Variants in KAT6B observed in about 807,000 individuals in gnomAD.
KAT6B encodes the protein histone acetyltransferase KAT6B.
KAT6B carries 10 observed loss-of-function variants against 187.5 expected under a neutral mutation model. The observed-to-expected ratio is 0.05, with a 90% CI of 0.03 to 0.09. KAT6B has a LOEUF of 0.09. Among genes scored for constraint, KAT6B ranks in the 10% least tolerant of loss-of-function variants. The pLI is 1.00. For missense variants in KAT6B, 1,952 were observed against 2,558.9 expected, an observed-to-expected ratio of 0.76 and a Z score of 5.12; for synonymous variants, 861 against 926.8, an observed-to-expected ratio of 0.93 and a Z score of 1.29.
rs1262964177 is a variant in KAT6B, at chr10:75,029,088, G to A, written c.4264G>A (p.Glu1422Lys). The change falls in exon 18 of 18, where the codon GAG (glutamate) becomes AAG (lysine). Residue 1422 changes from glutamate (E) to lysine (K), a missense_variant. Glu to Lys is a moderately conservative substitution (Grantham distance 56, BLOSUM62 1). Around this residue, in one of 9 missense-constraint regions of KAT6B, gnomAD observed 758 missense variants for 891.4 expected, o/e 0.85. Transcript: ENST00000287239. This position sits in a 1 kb window ranked among gnomAD's most constrained non-coding sequence, Gnocchi z 6.2. ...EEEDEEPSHN[E>K]DHDADDEDDS... is the part of the protein sequence containing the mutation. The stretch of plus-strand genomic sequence containing the variant: ...AGAGGATGAAGAGCCATCCCACAAC[G>A]AGGACCATGATGCCGATGACGAGGA... 2.5e-6 allele frequency: 4 copies of A among 1,614,056 alleles called. No homozygotes were observed. The highest frequency in any genetic ancestry group is 2.5e-6 in the Non-Finnish European group (3 of 1,180,036).
intron 13 of KAT6B, among the ~76,000 whole-genome samples, chr10:75,003,942 A>G (rs918917592): frequency 6.6e-6 from 1 of 152,246 alleles, no homozygotes; most frequent in African/African-American, 2.4e-5. Flanking sequence ...GCCTCAATGA[A>G]AACATTGTAA....
chr10:74,958,474 A>G (rs560029207), intron 3 of KAT6B, among the ~76,000 whole-genome samples: 10 of 152,334 alleles, frequency 6.6e-5, no homozygotes, highest in African/African-American at 2.2e-4. Context: ...TCATAGTAAC[A>G]TTCAGATGGC....
chr10:74,828,525 G>GAAAT (rs1840450613), intron 1 of KAT6B, among the ~76,000 whole-genome samples: 1 of 144,276 alleles, frequency 6.9e-6, no homozygotes, highest in Non-Finnish European at 1.5e-5. Flanking sequence ...GCATAGCCTT[G>GAAAT]AAATAAAACA....
chr10:74,908,882 C>G (rs959885795), intron 3 of KAT6B, among the ~76,000 whole-genome samples: 1 of 152,110 alleles, frequency 6.6e-6, no homozygotes, highest in Non-Finnish European at 1.5e-5. Flanking sequence ...ACTGCAAGCC[C>G]ACATGCTGCC....
chr10:74,845,436 C>T (rs1019122339), intron 3 of KAT6B, among the ~76,000 whole-genome samples: 2 of 150,186 alleles, frequency 1.3e-5, no homozygotes, highest in Non-Finnish European at 3.0e-5. Flanking sequence ...GCAGGAGAAT[C>T]CCTTAAACCC....
chr10:74,968,741 G>T (rs4372382), intron 4 of KAT6B, among the ~76,000 whole-genome samples: 5,730 of 152,160 alleles, frequency 0.038, 164 homozygotes, highest in Admixed American at 0.05. Context: ...AGATCTCTTC[G>T]GGTTTATGTG....
chr10:74,873,836 C>T (rs1029273082), intron 3 of KAT6B, among the ~76,000 whole-genome samples: 1 of 152,000 alleles, frequency 6.6e-6, no homozygotes, highest in Non-Finnish European at 1.5e-5. Flanking sequence ...GTAGTTAATA[C>T]AGGTATTTAT....
intron 1 of KAT6B, among the ~76,000 whole-genome samples, chr10:74,829,642 G>A (rs1228991149): frequency 1.3e-5 from 2 of 151,380 alleles, no homozygotes; most frequent in African/African-American, 2.4e-5. Flanking sequence ...GTGGGGTTTC[G>A]CCATGTTGGC....
chr10:74,903,810 A>AT (rs1197112942), intron 3 of KAT6B, among the ~76,000 whole-genome samples: 2 of 152,192 alleles, frequency 1.3e-5, no homozygotes, highest in African/African-American at 4.8e-5. Flanking sequence ...GCTTTGTCAG[A>AT]TTTTAACTTG....
intron 3 of KAT6B, among the ~76,000 whole-genome samples, chr10:74,940,463 A>G (rs1234352122): frequency 6.6e-6 from 1 of 151,244 alleles, no homozygotes; most frequent in African/African-American, 2.4e-5. Flanking sequence ...TTTAGTAGAG[A>G]TGGGGTTTCA....
At chr10:74,840,901 T>A (rs554578896) in intron 2 of KAT6B, among the ~76,000 whole-genome samples, 6 of 152,234 alleles carry the variant, frequency 3.9e-5, no homozygotes, top group African/African-American at 1.4e-4. Flanking sequence ...TATTCTTCAG[T>A]ATGTCTGGCT....
chr10:74,930,593 G>T (rs1479435460), intron 3 of KAT6B, among the ~76,000 whole-genome samples: 2 of 152,182 alleles, frequency 1.3e-5, no homozygotes, highest in African/African-American at 4.8e-5. Context: ...TGATGTGACA[G>T]GAATTGATTG....
chr10:74,859,548 G>A (rs1052886354), intron 3 of KAT6B, among the ~76,000 whole-genome samples: 21 of 152,240 alleles, frequency 1.4e-4, no homozygotes, highest in African/African-American at 5.1e-4. Context: ...TTGAGGTAAC[G>A]AGCCTCTAGA....
At chr10:74,887,285 A>G (rs941567916) in intron 3 of KAT6B, among the ~76,000 whole-genome samples, 2 of 152,094 alleles carry the variant, frequency 1.3e-5, no homozygotes, top group Non-Finnish European at 2.9e-5. Context: ...GGACTGAGCC[A>G]TGGATAGTGG....
At chr10:74,841,304 G>A (rs1480381234) in intron 2 of KAT6B, among the ~76,000 whole-genome samples, 2 of 152,292 alleles carry the variant, frequency 1.3e-5, no homozygotes, top group South Asian at 2.1e-4. Context: ...TGGGCACAGT[G>A]GCTTACACCT....
At chr10:74,942,301 G>A (rs1051690852) in intron 3 of KAT6B, among the ~76,000 whole-genome samples, 3 of 151,976 alleles carry the variant, frequency 2.0e-5, no homozygotes, top group African/African-American at 7.3e-5. Context: ...CTAGAAAAGG[G>A]TTTATCCAGA....
chr10:74,927,218 C>T (rs1204514653), intron 3 of KAT6B, among the ~76,000 whole-genome samples: 3 of 152,204 alleles, frequency 2.0e-5, no homozygotes, highest in African/African-American at 4.8e-5. Flanking sequence ...GACTTCTGTG[C>T]ATTACTTCAA....
chr10:74,920,729 A>G (rs949615899), intron 3 of KAT6B, among the ~76,000 whole-genome samples: 4 of 152,172 alleles, frequency 2.6e-5, no homozygotes, highest in African/African-American at 4.8e-5. Context: ...TCAAGGGGCA[A>G]TTCTCCAAAC....
intron 3 of KAT6B, among the ~76,000 whole-genome samples, chr10:74,914,317 A>T (rs4745761): frequency 0.02 from 3,115 of 152,286 alleles, 92 homozygotes; most frequent in African/African-American, 0.064. Context: ...AAGTCCTGTG[A>T]CAGAAAACAA....
Sources: gnomAD v4.1 joint callset for allele counts (sites outside exome capture counted in the v4.1 genomes callset) on GRCh38, gnomAD v4.1.1 for gene constraint, gnomAD v4.1.1 regional missense constraint, Gnocchi (gnomAD v3.1) non-coding constraint, MANE v1.5 for transcripts, NCBI Gene and HGNC (gene_info 2026-07-23, HGNC 2026-07-21) for gene names.